ATP10B: variants seen among roughly 807,000 people sequenced by gnomAD.
The protein encoded by ATP10B is ATPase phospholipid transporting 10B (putative).
A neutral mutation model predicts 141.2 loss-of-function variants in ATP10B; 122 were observed. That is an observed-to-expected ratio of 0.86 (90% confidence interval 0.75 to 1.00). The LOEUF (loss-of-function observed/expected upper bound fraction) is 1.00. ATP10B is among the 50% of genes least tolerant of loss of function. The probability of loss-of-function intolerance (pLI) is 0.00; values close to 1 mark genes in which losing one functional copy is unlikely to be tolerated. For synonymous variants in ATP10B, 685 were observed against 692.0 expected, an observed-to-expected ratio of 0.99 and a Z score of 0.16; for missense variants, 1,876 against 1,825.3, an observed-to-expected ratio of 1.03 and a Z score of -0.51.
intron 24 of ATP10B, among the ~76,000 whole-genome samples, chr5:160,575,563 A>G (rs9313852): frequency 0.098 from 14,909 of 152,154 alleles, 1,782 homozygotes; most frequent in African/African-American, 0.29. Context: ...CTCAATTTCC[A>G]TATCTGTAAT....
chr5:160,707,270 A>G (rs1316596322), intron 3 of ATP10B, among the ~76,000 whole-genome samples: 2 of 152,270 alleles, frequency 1.3e-5, no homozygotes, highest in Non-Finnish European at 2.9e-5. Flanking sequence ...CTCATCTGAA[A>G]CAATACTGAG....
At chr5:160,694,745 G>A (rs556671052) in intron 3 of ATP10B, among the ~76,000 whole-genome samples, 61 of 152,118 alleles carry the variant, frequency 4.0e-4, no homozygotes, top group Admixed American at 8.5e-4. Context: ...TTGAATCCTC[G>A]TTTATATACC....
chr5:160,798,722 T>G (rs1554117971), intron 1 of ATP10B, among the ~76,000 whole-genome samples: 10 of 150,406 alleles, frequency 6.6e-5, no homozygotes, highest in Admixed American at 6.6e-4. Context: ...AATACATGGG[T>G]CAAGGAAAAG....
At chr5:160,828,941 G>A (rs1774848926) in intron 1 of ATP10B, among the ~76,000 whole-genome samples, 2 of 145,426 alleles carry the variant, frequency 1.4e-5, no homozygotes, top group South Asian at 4.5e-4. Flanking sequence ...ATCATTCTCA[G>A]TAAACTAACG....
chr5:160,581,875 T>C (rs977235823), intron 24 of ATP10B, among the ~76,000 whole-genome samples: 23 of 152,162 alleles, frequency 1.5e-4, no homozygotes, highest in African/African-American at 4.8e-4. Context: ...GCCCTTCCTG[T>C]TGCATTGATC....
chr5:160,754,023 A>G (rs1420593938), intron 2 of ATP10B, among the ~76,000 whole-genome samples: 1 of 152,238 alleles, frequency 6.6e-6, no homozygotes, highest in Admixed American at 6.5e-5. Context: ...GAGTTTCCCA[A>G]AAGAAACTTG....
In ATP10B at chr5:160,842,839, C is replaced by T. The variant is rs140690725; in HGVS notation, c.-576+9102G>A. On this transcript the variant is annotated intron_variant, in intron 1 of 25. Transcript: ENST00000327245. ...ACACACACACACAAAAATCAGGGCC[C>T]ATGTGGCTTGGCTGGTAATTTCTTC... Among the ~76,000 whole-genome samples, 220 of 151,978 alleles carry T rather than the reference C, an allele frequency of 1.4e-3. 1 individual carries two copies. Among genetic ancestry groups the T allele is most frequent in the African/African-American group, 5.1e-3 (211 of 41,468 alleles).
At chr5:160,583,399 G>A (rs1446934029) in intron 24 of ATP10B, among the ~76,000 whole-genome samples, 1 of 152,188 alleles carries the variant, frequency 6.6e-6, no homozygotes, top group East Asian at 1.9e-4. Context: ...CACCAGCAGA[G>A]GCTGCAGAAC....
At chr5:160,818,121 A>G (rs1216656285) in intron 1 of ATP10B, among the ~76,000 whole-genome samples, 1 of 152,220 alleles carries the variant, frequency 6.6e-6, no homozygotes, top group Non-Finnish European at 1.5e-5. Flanking sequence ...ACCAAAAGCA[A>G]TGGCAACAAA....
chr5:160,714,867 C>A (rs1413817196), intron 3 of ATP10B, among the ~76,000 whole-genome samples: 2 of 147,404 alleles, frequency 1.4e-5, no homozygotes, highest in Admixed American at 6.7e-5. Flanking sequence ...TGTTGGAATA[C>A]CCTGCCGTGT....
chr5:160,607,171 G>T, intron 18 of ATP10B, 85 bp from the exon 19 acceptor site: 1 of 1,140,058 alleles, frequency 8.8e-7, no homozygotes, highest in Non-Finnish European at 1.3e-6. Flanking sequence ...TAGTAAGATA[G>T]TCATAAAACT....
the ATP10B span, among the ~76,000 whole-genome samples, chr5:160,863,208 G>A: frequency 6.6e-6 from 1 of 151,906 alleles, no homozygotes; most frequent in Admixed American, 6.6e-5. Context: ...TGGAAGACAG[G>A]GATAATAACC....
the ATP10B span, among the ~76,000 whole-genome samples, chr5:160,865,234 CA>C: frequency 6.6e-6 from 1 of 152,000 alleles, no homozygotes; most frequent in South Asian, 2.1e-4. Context: ...GCATATAGAC[CA>C]ATGGAAGAGA....
chr5:160,912,330 A>G, the ATP10B span, among the ~76,000 whole-genome samples: 1 of 149,556 alleles, frequency 6.7e-6, no homozygotes, highest in Non-Finnish European at 1.5e-5. Context: ...TAATCCCAGC[A>G]CTTTGGGAGA....
chr5:160,794,056 G>A (rs1771779138), intron 1 of ATP10B, among the ~76,000 whole-genome samples: 2 of 152,166 alleles, frequency 1.3e-5, no homozygotes, highest in African/African-American at 2.4e-5. Flanking sequence ...ATGTTTCCCT[G>A]TCATTGACAT....
intron 2 of ATP10B, among the ~76,000 whole-genome samples, chr5:160,784,652 A>G (rs1451178235): frequency 6.6e-6 from 1 of 152,126 alleles, no homozygotes; most frequent in Non-Finnish European, 1.5e-5. Context: ...CTTGGGTTTT[A>G]TATCTAGAGT....
chr5:160,837,832 G>T (rs181647541), intron 1 of ATP10B, among the ~76,000 whole-genome samples: 1 of 151,828 alleles, frequency 6.6e-6, no homozygotes. Context: ...CTGGAGATAC[G>T]CCTGTACTTG....
Position 160,642,349 on chromosome 5 carries a change from C to G in ATP10B, c.869-1757G>C, listed in dbSNP as rs371258891. 1.5e-4 allele frequency among the ~76,000 whole-genome samples: 23 copies of G among 152,308 alleles called. No homozygotes were observed. In the East Asian group the frequency reaches 4.4e-3, roughly 29 times the overall value. On this transcript the variant is annotated intron_variant, in intron 9 of 25. Coordinates refer to ENST00000327245, the MANE Select transcript of ATP10B (RefSeq NM_025153.3). Reference sequence around the variant, plus strand: ...AGGAGCACACACCTCTACATTGGACCTCTTTCTTCTGTAAATCTCACCTTG... The same window carrying G: ...AGGAGCACACACCTCTACATTGGACGTCTTTCTTCTGTAAATCTCACCTTG...
At chr5:160,813,131 T>C (rs569279053) in intron 1 of ATP10B, among the ~76,000 whole-genome samples, 1 of 152,212 alleles carries the variant, frequency 6.6e-6, no homozygotes, top group East Asian at 1.9e-4. Flanking sequence ...TGTCAGAAAG[T>C]GGATGCAGGA....
Sources: allele counts gnomAD v4.1 joint callset (sites outside exome capture counted in the v4.1 genomes callset), GRCh38; gene constraint gnomAD v4.1.1; transcripts MANE v1.5; gene names NCBI Gene and HGNC (gene_info 2026-07-23, HGNC 2026-07-21).